PDGFC: variants seen among roughly 807,000 people sequenced by gnomAD.
PDGFC encodes the protein platelet-derived growth factor C.
PDGFC carries 12 observed loss-of-function variants against 35.5 expected under a neutral mutation model. The observed-to-expected ratio is 0.34, with a 90% CI of 0.22 to 0.55. The LOEUF is 0.55. PDGFC is among the 20% of genes least tolerant of loss of function. The pLI, the probability that PDGFC is intolerant of heterozygous loss-of-function variation, is 0.91. For missense variants in PDGFC, 322 were observed against 412.4 expected (o/e 0.78, Z 1.90); for synonymous variants, 159 against 148.8 (o/e 1.07, Z -0.50).
At chr4:156,865,882 C>T (rs1426192992) in intron 1 of PDGFC, among the ~76,000 whole-genome samples, 1 of 152,114 alleles carries the variant, frequency 6.6e-6, no homozygotes, top group African/African-American at 2.4e-5. Context: ...ATTTGATCCT[C>T]GTTCTTGTTT....
chr4:156,870,038 C>T (rs569900259), intron 1 of PDGFC, among the ~76,000 whole-genome samples: 117 of 151,728 alleles, frequency 7.7e-4, no homozygotes, highest in Non-Finnish European at 1.3e-3. Flanking sequence ...ATATTGATGG[C>T]TAAGATTCTA....
chr4:156,769,309 T>C (rs955851742), intron 4 of PDGFC, among the ~76,000 whole-genome samples: 27 of 152,000 alleles, frequency 1.8e-4, no homozygotes, highest in Non-Finnish European at 3.2e-4. Flanking sequence ...AGTGACAAGG[T>C]AAGAATCAAA....
chr4:156,814,274 C>A (rs188066844), intron 2 of PDGFC, among the ~76,000 whole-genome samples: 1 of 152,102 alleles, frequency 6.6e-6, no homozygotes, highest in Non-Finnish European at 1.5e-5. Context: ...TCGAGGAATT[C>A]GAGGAAACAG....
chr4:156,922,997 G>A (rs1311375441), intron 1 of PDGFC, among the ~76,000 whole-genome samples: 2 of 151,986 alleles, frequency 1.3e-5, no homozygotes, highest in Non-Finnish European at 2.9e-5. Context: ...AGATTTTTAT[G>A]CTTGCCCACG....
At chr4:156,950,392 T>C (rs1732051543) in intron 1 of PDGFC, among the ~76,000 whole-genome samples, 1 of 151,902 alleles carries the variant, frequency 6.6e-6, no homozygotes, top group African/African-American at 2.4e-5. Flanking sequence ...CCATGTTTTT[T>C]GGTCACTTTC....
intron 1 of PDGFC, among the ~76,000 whole-genome samples, chr4:156,899,467 A>G (rs1055234091): frequency 5.9e-5 from 9 of 152,202 alleles, no homozygotes; most frequent in African/African-American, 2.2e-4. Flanking sequence ...ATATGTCTTC[A>G]TGGACCATTC....
chr4:156,802,957 C>T (rs1731657760), intron 3 of PDGFC, among the ~76,000 whole-genome samples: 1 of 152,224 alleles, frequency 6.6e-6, no homozygotes, highest in African/African-American at 2.4e-5. Context: ...GGAAGTTTTA[C>T]TCTCTTCGCA....
chr4:156,883,774 C>G (rs1265330679), intron 1 of PDGFC, among the ~76,000 whole-genome samples: 1 of 152,034 alleles, frequency 6.6e-6, no homozygotes, highest in Non-Finnish European at 1.5e-5. Flanking sequence ...TTATCTAAAC[C>G]ATTATTTTCT....
chr4:156,769,936 T>G (rs1730647919), intron 4 of PDGFC, among the ~76,000 whole-genome samples: 1 of 152,052 alleles, frequency 6.6e-6, no homozygotes, highest in Admixed American at 6.6e-5. Flanking sequence ...ATTTAAGAAT[T>G]ATACTTCTTT....
chr4:156,770,415 G>T (rs797010486), intron 4 of PDGFC: 3 of 151,854 alleles, frequency 2.0e-5, no homozygotes, highest in Non-Finnish European at 4.4e-5. Flanking sequence ...GGCTTCAAAC[G>T]CATATAAGCT....
intron 1 of PDGFC, among the ~76,000 whole-genome samples, chr4:156,884,796 T>A (rs1173108347): frequency 6.6e-6 from 1 of 152,146 alleles, no homozygotes. Context: ...GGAAACTAGT[T>A]CAATAGAAAG....
At chr4:156,942,606 G>C (rs1164098232) in intron 1 of PDGFC, among the ~76,000 whole-genome samples, 2 of 150,540 alleles carry the variant, frequency 1.3e-5, no homozygotes, top group African/African-American at 2.4e-5. Flanking sequence ...GAAACAGTAA[G>C]AGCACAAATC....
chr4:156,867,620 G>A (rs1336402908), intron 1 of PDGFC, among the ~76,000 whole-genome samples: 1 of 152,100 alleles, frequency 6.6e-6, no homozygotes, highest in African/African-American at 2.4e-5. Context: ...AGAGCGGCAG[G>A]TCATCTAGAA....
intron 1 of PDGFC, among the ~76,000 whole-genome samples, chr4:156,937,334 T>A (rs1440256204): frequency 6.6e-6 from 1 of 152,214 alleles, no homozygotes; most frequent in East Asian, 1.9e-4. Context: ...AAACCCAATA[T>A]GAGGTATTTC....
intron 3 of PDGFC, among the ~76,000 whole-genome samples, chr4:156,786,306 T>C (rs1731125232): frequency 6.6e-6 from 1 of 152,080 alleles, no homozygotes; most frequent in Non-Finnish European, 1.5e-5. Context: ...CATACAATGT[T>C]AGATGGTAAA....
intron 2 of PDGFC, among the ~76,000 whole-genome samples, chr4:156,814,409 A>T (rs1732023907): frequency 6.6e-6 from 1 of 152,156 alleles, no homozygotes; most frequent in African/African-American, 2.4e-5. Context: ...AACAGAGAAG[A>T]GAGAATTTCA....
intron 1 of PDGFC, among the ~76,000 whole-genome samples, chr4:156,884,683 C>A (rs1005912808): frequency 6.6e-6 from 1 of 152,126 alleles, no homozygotes; most frequent in Admixed American, 6.5e-5. Context: ...TACTGATTTG[C>A]TAATTGTTTT....
intron 5 of PDGFC, 111 bp downstream of exon 5, chr4:156,767,662 T>TC: frequency 3.0e-6 from 2 of 669,932 alleles, no homozygotes; most frequent in South Asian, 1.9e-5. Context: ...CTCTTTTTTT[T>TC]CCCCATGAAT....
At chr4:156,861,544 T>C in intron 1 of PDGFC, 1 of 594,744 alleles carries the variant, frequency 1.7e-6, no homozygotes, top group Non-Finnish European at 2.7e-6. Context: ...CAAATCCTAA[T>C]CTAGGTGGTT....
Sources: gnomAD v4.1 joint callset for allele counts (sites outside exome capture counted in the v4.1 genomes callset) on GRCh38, gnomAD v4.1.1 for gene constraint, MANE v1.5 for transcripts, NCBI Gene and HGNC (gene_info 2026-07-23, HGNC 2026-07-21) for gene names.